Variants in RIC3 observed in about 807,000 individuals in gnomAD.
The protein encoded by RIC3 is protein RIC-3.
A neutral mutation model predicts 27.3 loss-of-function variants in RIC3; 28 were observed. The ratio of observed to expected loss-of-function variants is 1.02; its 90% confidence interval spans 0.76 to 1.41. The LOEUF (loss-of-function observed/expected upper bound fraction) is 1.41, where lower values mean the gene tolerates loss of function less well. RIC3 is among the 40% of genes most tolerant of loss of function. The probability of loss-of-function intolerance (pLI) is 0.00; values close to 1 mark genes in which losing one functional copy is unlikely to be tolerated. For synonymous variants in RIC3, 184 were observed against 160.4 expected (o/e 1.15, Z -1.11); for missense variants, 501 against 444.7 (o/e 1.13, Z -1.14).
chr11:8,140,072 T>C lies in RIC3; in HGVS notation c.246A>G (p.Ser82=). Reference sequence around the variant, plus strand: ...TACCTCCTCCTCCAGCACCTCCACCTGATCCTTTGGCCTTTGCAAATGCCT... The same window carrying C: ...TACCTCCTCCTCCAGCACCTCCACCCGATCCTTTGGCCTTTGCAAATGCCT... ...LAEAFAKAKG[S]GGGAGGGGSG... The change falls in exon 2 of 6, where the codon TCA becomes TCG. Residue 82 remains serine, a synonymous_variant. Coordinates refer to ENST00000309737, the MANE Select transcript of RIC3 (RefSeq NM_001206671.4). 13 of 1,614,112 alleles carry C rather than the reference T, an allele frequency of 8.1e-6. No homozygotes were observed. Among genetic ancestry groups the C allele is most frequent in the Non-Finnish European group, 1.1e-5 (13 of 1,180,024 alleles).
At chr11:8,093,335 G>A in the RIC3 span, among the ~76,000 whole-genome samples, 1 of 152,162 alleles carries the variant, frequency 6.6e-6, no homozygotes, top group East Asian at 1.9e-4. Flanking sequence ...GACCAGCCTG[G>A]TGTGGCTGCA....
intron 4 of RIC3, chr11:8,127,028 G>A: frequency 1.7e-6 from 1 of 578,656 alleles, no homozygotes; most frequent in Non-Finnish European, 3.0e-6. Flanking sequence ...TAGATCAAGT[G>A]ATTGCCCAAG....
At chr11:8,124,793 G>A (rs928050748) in intron 5 of RIC3, among the ~76,000 whole-genome samples, 1 of 151,986 alleles carries the variant, frequency 6.6e-6, no homozygotes, top group Admixed American at 6.6e-5. Context: ...TGAACAATTG[G>A]GTATTTGATA....
intron 5 of RIC3, among the ~76,000 whole-genome samples, chr11:8,116,470 C>T (rs1382168737): frequency 6.6e-6 from 1 of 152,002 alleles, no homozygotes; most frequent in Non-Finnish European, 1.5e-5. Flanking sequence ...AAGGAAACAA[C>T]AGTAAAGAGA....
intron 1 of RIC3, among the ~76,000 whole-genome samples, chr11:8,144,438 A>G (rs1274455908): frequency 1.3e-5 from 2 of 148,990 alleles, no homozygotes; most frequent in African/African-American, 5.0e-5. Flanking sequence ...AATGCTCATC[A>G]TCACTGGCCA....
intron 5 of RIC3, among the ~76,000 whole-genome samples, chr11:8,125,867 C>T (rs1401354065): frequency 1.3e-5 from 2 of 152,004 alleles, no homozygotes; most frequent in African/African-American, 2.4e-5. Flanking sequence ...GGTGAAACTC[C>T]GTCTCTACTA....
chr11:8,119,585 A>G (rs1443540206), intron 5 of RIC3, among the ~76,000 whole-genome samples: 1 of 152,232 alleles, frequency 6.6e-6, no homozygotes, highest in East Asian at 1.9e-4. Flanking sequence ...CTAAAACCAT[A>G]AAAACCCTAG....
intron 1 of RIC3, among the ~76,000 whole-genome samples, chr11:8,152,732 A>G (rs1950346886): frequency 6.6e-6 from 1 of 152,132 alleles, no homozygotes; most frequent in Admixed American, 6.5e-5. Flanking sequence ...TGAATTGCAT[A>G]TGTAAATTAC....
chr11:8,151,057 T>C (rs937899654), intron 1 of RIC3, among the ~76,000 whole-genome samples: 1 of 152,142 alleles, frequency 6.6e-6, no homozygotes, highest in Non-Finnish European at 1.5e-5. Flanking sequence ...AACATAGACA[T>C]AAATCCTTGT....
chr11:8,166,407 C>A lies in RIC3; in HGVS notation c.124+2459G>T, dbSNP rs151169337. ...GAAAGGGAACTGTGCTTGTTTCATG[C>A]ACATCAATGGGCAAAAATGGAAGAC... On this transcript the variant is annotated intron_variant, in intron 1 of 5. Coordinates refer to ENST00000309737, the MANE Select transcript of RIC3 (RefSeq NM_001206671.4). Among the ~76,000 whole-genome samples the A allele has an allele frequency of 6.4e-3, 968 of 152,252 alleles. 22 individuals are homozygous for A. The highest frequency in any genetic ancestry group is 0.051 in the Admixed American group (777 of 15,292).
chr11:8,115,112 C>A (rs1945702026), intron 5 of RIC3, among the ~76,000 whole-genome samples: 1 of 151,948 alleles, frequency 6.6e-6, no homozygotes, highest in South Asian at 2.1e-4. Flanking sequence ...TCCAATCAGA[C>A]TGAACTCAAG....
chr11:8,149,866 C>G (rs1397581842), intron 1 of RIC3, among the ~76,000 whole-genome samples: 1 of 152,140 alleles, frequency 6.6e-6, no homozygotes, highest in Non-Finnish European at 1.5e-5. Context: ...TGCTATCAAC[C>G]AACCACCTGA....
At chr11:8,111,732 T>G (rs913627885) in intron 5 of RIC3, among the ~76,000 whole-genome samples, 1 of 152,262 alleles carries the variant, frequency 6.6e-6, no homozygotes, top group Non-Finnish European at 1.5e-5. Flanking sequence ...ATTCCTGTTG[T>G]TGGCTTCTTC....
chr11:8,094,074 G>C, the RIC3 span: 18 of 1,614,196 alleles, frequency 1.1e-5, no homozygotes, highest in Non-Finnish European at 1.5e-5. Context: ...TCGCCAGTGT[G>C]CAGCTGGGAG....
At chr11:8,097,874 GGGGCAA>G in the RIC3 span, 1 of 1,448,196 alleles carries the variant, frequency 6.9e-7, no homozygotes, top group Non-Finnish European at 9.7e-7. Flanking sequence ...GGGAGGGGCA[GGGGCAA>G]GCTGTCTGTA....
intron 1 of RIC3, among the ~76,000 whole-genome samples, chr11:8,157,318 A>G (rs1950749681): frequency 6.6e-6 from 1 of 152,330 alleles, no homozygotes; most frequent in African/African-American, 2.4e-5. Flanking sequence ...ATAAACTGTT[A>G]AGATACCAGT....
chr11:8,119,815 C>G (rs1192390125), intron 5 of RIC3, among the ~76,000 whole-genome samples: 3 of 152,138 alleles, frequency 2.0e-5, no homozygotes, highest in South Asian at 2.1e-4. Flanking sequence ...GGGCTAATAT[C>G]TAGAATCTAC....
At chr11:8,166,148 C>A (rs1951677038) in intron 1 of RIC3, among the ~76,000 whole-genome samples, 1 of 152,076 alleles carries the variant, frequency 6.6e-6, no homozygotes, top group Non-Finnish European at 1.5e-5. Context: ...TCCATTGTTC[C>A]CTGCGCAGAC....
intron 4 of RIC3, among the ~76,000 whole-genome samples, chr11:8,128,879 C>G (rs111664026): frequency 4.0e-5 from 6 of 151,306 alleles, no homozygotes; most frequent in Non-Finnish European, 7.4e-5. Context: ...CTCAGCCTCC[C>G]GCATAGCTGG....
Sources: allele counts gnomAD v4.1 joint callset (sites outside exome capture counted in the v4.1 genomes callset), GRCh38; gene constraint gnomAD v4.1.1; transcripts MANE v1.5; gene names NCBI Gene and HGNC (gene_info 2026-07-23, HGNC 2026-07-21).